Variants in CCKAR observed in about 807,000 individuals in gnomAD.
CCKAR encodes the protein cholecystokinin A receptor, also known as cholecystokinin receptor type A.
CCKAR carries 21 observed loss-of-function variants against 29.8 expected under a neutral mutation model. The observed-to-expected ratio is 0.70, with a 90% CI of 0.50 to 1.01. The LOEUF is 1.01. Ranked by LOEUF, CCKAR falls within the 50% of genes least tolerant of loss-of-function variation. The pLI, the probability that CCKAR is intolerant of heterozygous loss-of-function variation, is 0.00. For synonymous variants in CCKAR, 238 were observed against 221.3 expected, an observed-to-expected ratio of 1.08 and a Z score of -0.67; for missense variants, 570 against 560.6, an observed-to-expected ratio of 1.02 and a Z score of -0.17.
intron 2 of CCKAR, among the ~76,000 whole-genome samples, chr4:26,487,500 T>A (rs992970705): frequency 1.3e-5 from 2 of 152,200 alleles, no homozygotes; most frequent in Non-Finnish European, 2.9e-5. Flanking sequence ...AGGCAAGCAT[T>A]CTTTTTCTTT....
chr4:26,489,597 A>G (rs555562759), intron 1 of CCKAR, 113 bp from the exon 2 acceptor site: 1 of 1,150,198 alleles, frequency 8.7e-7, no homozygotes, highest in Non-Finnish European at 1.2e-6. Flanking sequence ...GGTGTACATC[A>G]CTGGACCCAC....
chr4:26,483,462 CTTTTCTTT>C (rs1158951904), intron 3 of CCKAR, among the ~76,000 whole-genome samples, 179 bp from the exon 4 acceptor site: 1 of 151,922 alleles, frequency 6.6e-6, no homozygotes. Flanking sequence ...TTGTTTACTT[CTTTTCTTT>C]TTTTAGATGA....
In CCKAR at chr4:26,481,668, G is replaced by T; in HGVS notation, c.1257C>A (p.Ser419Arg). The part of the protein sequence containing the change: ...TGASLSRFSY[S>R]HMSASVPPQ The stretch of plus-strand genomic sequence containing the variant: ...GGGGTGGCACCGAGGCACTCATATG[G>T]CTGTACGAGAACCTGGACAGAGAGG... Residue 419 changes from serine to arginine, a missense_variant, in exon 5 of 5, where the codon AGC (serine) becomes AGA (arginine). Physicochemically the swap from Ser to Arg is moderately radical, Grantham distance 110. Transcript: ENST00000295589. The T allele has an allele frequency of 8.7e-6, 14 of 1,614,202 alleles. No homozygotes were observed. The highest frequency in any genetic ancestry group is 1.2e-5 in the Non-Finnish European group (14 of 1,180,034).
At position 26,481,916 on chromosome 4, in the gene CCKAR, C is replaced by A. The variant is rs549655820; in HGVS notation, c.1009G>T (p.Ala337Ser). Reference protein sequence around the residue: ...MPIFSANAWRAYDTASAERRL... With the variant: ...MPIFSANAWRSYDTASAERRL... ...CGCTCTGCGGAGGCGGTGTCGTAGG[C>A]CCGCCAGGCGTTGGCGCTGAAGATG... The change falls in exon 5 of 5, where the codon GCC becomes TCC. Residue 337 changes from alanine to serine, a missense_variant. Coordinates refer to ENST00000295589, the MANE Select transcript of CCKAR (RefSeq NM_000730.3). 1.9e-6 allele frequency: 3 copies of A among 1,614,258 alleles called. No homozygotes were observed. The highest frequency in any genetic ancestry group is 1.3e-5 in the African/African-American group (1 of 75,074).
intron 4 of CCKAR, 123 bp downstream of exon 4, chr4:26,483,033 T>C: frequency 1.1e-6 from 1 of 920,328 alleles, no homozygotes; most frequent in Non-Finnish European, 1.6e-6. Flanking sequence ...ACACAGAATC[T>C]CATAAGAATA....
At chr4:26,483,355 G>T in intron 3 of CCKAR, 72 bp from the exon 4 acceptor site, 1 of 1,479,252 alleles carries the variant, frequency 6.8e-7, no homozygotes, top group Non-Finnish European at 9.2e-7. Context: ...GGAATGAATA[G>T]GGTTTATGTT....
At chr4:26,485,003 C>T (rs1737420156) in intron 3 of CCKAR, among the ~76,000 whole-genome samples, 1 of 151,478 alleles carries the variant, frequency 6.6e-6, no homozygotes, top group African/African-American at 2.4e-5. Context: ...ACCAGCCTGA[C>T]CAACATGGAG....
At chr4:26,483,655 T>A (rs1737394486) in intron 3 of CCKAR, among the ~76,000 whole-genome samples, 1 of 152,254 alleles carries the variant, frequency 6.6e-6, no homozygotes, top group Non-Finnish European at 1.5e-5. Context: ...AGGATTTCTA[T>A]GTGCTACATA....
intron 2 of CCKAR, among the ~76,000 whole-genome samples, chr4:26,487,404 T>A (rs896072311): frequency 6.6e-6 from 1 of 152,228 alleles, no homozygotes; most frequent in African/African-American, 2.4e-5. Flanking sequence ...AAAGAGTTGA[T>A]GACATTTAGA....
At chr4:26,486,828 C>T (rs973017945) in intron 2 of CCKAR, among the ~76,000 whole-genome samples, 1 of 152,122 alleles carries the variant, frequency 6.6e-6, no homozygotes, top group Non-Finnish European at 1.5e-5. Context: ...GCAGAAGAAT[C>T]GCTGGAATCT....
At chr4:26,489,587 G>C (rs1737519033) in intron 1 of CCKAR, 103 bp from the exon 2 acceptor site, 3 of 1,353,866 alleles carry the variant, frequency 2.2e-6, no homozygotes, top group Non-Finnish European at 2.0e-6. Flanking sequence ...CCCCCACCGG[G>C]GTGTACATCA....
chr4:26,482,124 A>T lies in CCKAR; in HGVS notation c.801T>A (p.Asp267Glu). The change falls in exon 5 of 5, where the codon GAT becomes GAA. Residue 267 changes from aspartate (D) to glutamate (E), a missense_variant. Coordinates refer to ENST00000295589, the MANE Select transcript of CCKAR (RefSeq NM_000730.3). ...GCCTGGTCTTTTGCAGGTAACACCC[A>T]TCGCTGTCCTCATATTTGCCGCTGC... is the stretch of plus-strand genomic sequence containing the variant. ...TTSSGKYEDS[D>E]GCYLQKTRPP... 6.2e-7 allele frequency: 1 copy of T among 1,613,638 alleles called. No homozygotes were observed. The highest frequency in any genetic ancestry group is 2.2e-5 in the East Asian group (1 of 44,844).
intron 2 of CCKAR, among the ~76,000 whole-genome samples, chr4:26,488,926 C>G (rs1295140476): frequency 6.6e-6 from 1 of 152,184 alleles, no homozygotes; most frequent in East Asian, 1.9e-4. Flanking sequence ...CAAACAGAAG[C>G]AAGCAAGTCC....
At chr4:26,489,569 C>A in intron 1 of CCKAR, 85 bp from the exon 2 acceptor site, 2 of 1,499,978 alleles carry the variant, frequency 1.3e-6, no homozygotes, top group Admixed American at 1.7e-5. Flanking sequence ...GAATTCCTGC[C>A]GATTTTCCCC....
In CCKAR at chr4:26,485,631, C is replaced by T; in HGVS notation, c.626+6G>A. On this transcript the variant is annotated splice_donor_region_variant and intron_variant, in intron 3 of 4. Transcript: ENST00000295589. ...GTATTTTTAAAAATAAACAATGCAA[C>T]CTTACCAGGACTGCTGCATAACATC... The T allele has an allele frequency of 6.2e-7, 1 of 1,612,922 alleles. No individual in the cohort carries two copies. Among genetic ancestry groups the T allele is most frequent in the Non-Finnish European group, 8.5e-7 (1 of 1,178,968 alleles).
Position 26,481,433 on chromosome 4 carries a change from C to T in CCKAR, c.*205G>A. The T allele has an allele frequency of 1.6e-6, 1 of 619,694 alleles. No homozygotes were observed. The highest frequency in any genetic ancestry group is 2.0e-5 in the South Asian group (1 of 50,770). The allele number at this position is 619,694 out of a possible 1,614,324, so 38.4% of individuals were successfully genotyped here. On this transcript the variant is annotated 3_prime_UTR_variant, in exon 5 of 5. Transcript: ENST00000295589. ...GTTACTTAACATATCCTGCTTTGAA[C>T]TGCCTAGAAACCAATCATGGCCCCA...
rs751151975 is a variant in CCKAR at position 26,481,706 on chromosome 4, C to T, written c.1219G>A (p.Gly407Arg). ...RGEVGEEEEG[G>R]TTGASLSRFS... ...CTGGACAGAGAGGCTCCTGTGGTCC[C>T]GCCTTCCTCCTCCTCCCCCACCTCT... is the stretch of plus-strand genomic sequence containing the variant. The change falls in exon 5 of 5, where the codon GGG becomes AGG. Residue 407 changes from glycine (G) to arginine (R), a missense_variant. Transcript: ENST00000295589. The T allele has an allele frequency of 1.7e-5, 27 of 1,614,104 alleles. No homozygotes were observed. The highest frequency in any genetic ancestry group is 2.0e-5 in the Non-Finnish European group (24 of 1,180,056).
intron 3 of CCKAR, among the ~76,000 whole-genome samples, chr4:26,485,130 G>A (rs914966668): frequency 1.3e-5 from 2 of 150,892 alleles, no homozygotes; most frequent in African/African-American, 4.9e-5. Context: ...GGAGGTCGAG[G>A]TTGTGGTGAG....
At position 26,481,630 on chromosome 4, in the gene CCKAR, G is replaced by A. The variant is rs1737345730; in HGVS notation, c.*8C>T. ...CCTTCCTTCTGCGGTGGAGGGTCAG[G>A]GGACATCTCACTGGGGTGGCACCGA... On this transcript the variant is annotated 3_prime_UTR_variant, in exon 5 of 5. Coordinates refer to ENST00000295589, the MANE Select transcript of CCKAR (RefSeq NM_000730.3). 6.2e-7 allele frequency: 1 copy of A among 1,613,906 alleles called. No individual in the cohort carries two copies. The highest frequency in any genetic ancestry group is 8.5e-7 in the Non-Finnish European group (1 of 1,179,896).
Sources: gnomAD v4.1 joint callset for allele counts (sites outside exome capture counted in the v4.1 genomes callset) on GRCh38, gnomAD v4.1.1 for gene constraint, MANE v1.5 for transcripts, NCBI Gene and HGNC (gene_info 2026-07-23, HGNC 2026-07-21) for gene names.